The following CCDC178 variants were observed in gnomAD, a reference collection of about 807,000 sequenced individuals.
CCDC178 encodes coiled-coil domain containing 178.
CCDC178 carries 126 observed loss-of-function variants against 117.4 expected under a neutral mutation model. The observed-to-expected ratio is 1.07, with a 90% CI of 0.93 to 1.24. The LOEUF is 1.24. CCDC178 is among the 50% of genes most tolerant of loss of function. CCDC178 has a pLI of 0.00. For missense variants in CCDC178, 1,030 were observed against 986.9 expected, an observed-to-expected ratio of 1.04 and a Z score of -0.59; for synonymous variants, 283 against 313.4, an observed-to-expected ratio of 0.90 and a Z score of 1.02.
intron 22 of CCDC178, among the ~76,000 whole-genome samples, chr18:32,965,807 T>A (rs1371774017): frequency 6.6e-6 from 1 of 151,242 alleles, no homozygotes; most frequent in African/African-American, 2.4e-5. Context: ...ACAAATTATT[T>A]TATATTATTA....
intron 20 of CCDC178, among the ~76,000 whole-genome samples, chr18:33,151,524 C>T (rs1457306965): frequency 6.9e-6 from 1 of 145,298 alleles, no homozygotes; most frequent in East Asian, 2.0e-4. Context: ...GAAAAGAGTT[C>T]TAAAAATACA....
intron 6 of CCDC178, among the ~76,000 whole-genome samples, chr18:33,367,157 T>C (rs1401759235): frequency 1.3e-5 from 2 of 152,082 alleles, no homozygotes; most frequent in Non-Finnish European, 2.9e-5. Context: ...ATGGGGAATG[T>C]GTGATGTTTT....
chr18:33,330,406 C>T (rs567873482), intron 10 of CCDC178, among the ~76,000 whole-genome samples: 155 of 152,152 alleles, frequency 1.0e-3, no homozygotes, highest in African/African-American at 2.2e-3. Context: ...TTATGGCTCA[C>T]GCTACAGAAG....
intron 11 of CCDC178, among the ~76,000 whole-genome samples, chr18:33,320,626 A>G (rs943695334): frequency 6.6e-6 from 1 of 152,226 alleles, no homozygotes; most frequent in African/African-American, 2.4e-5. Context: ...ATGCTCATGG[A>G]TAGGAAGAAT....
intron 21 of CCDC178, among the ~76,000 whole-genome samples, chr18:32,982,215 T>G (rs2055168360): frequency 6.6e-6 from 1 of 152,144 alleles, no homozygotes; most frequent in East Asian, 1.9e-4. Flanking sequence ...GCTTTTGCAA[T>G]TTAAGAACCC....
intron 15 of CCDC178, among the ~76,000 whole-genome samples, chr18:33,236,010 C>T (rs1325908269): frequency 1.3e-5 from 2 of 152,160 alleles, no homozygotes; most frequent in Non-Finnish European, 2.9e-5. Flanking sequence ...GCTAGACATA[C>T]TTCTTGTTCA....
chr18:33,187,086 GGAGAGA>G (rs58400297), intron 20 of CCDC178, among the ~76,000 whole-genome samples: 58,061 of 139,934 alleles, frequency 0.41, 14,167 homozygotes, highest in Non-Finnish European at 0.55. Context: ...CATGGCGGCA[GGAGAGA>G]GAGAGAGAGA....
At chr18:33,416,784 GA>G (rs1361219953) in intron 2 of CCDC178, among the ~76,000 whole-genome samples, 1 of 152,132 alleles carries the variant, frequency 6.6e-6, no homozygotes, top group Non-Finnish European at 1.5e-5. Context: ...AGGTGTCAGT[GA>G]AAGCCACATA....
chr18:33,067,758 G>A (rs141832451), intron 21 of CCDC178, among the ~76,000 whole-genome samples: 1 of 152,184 alleles, frequency 6.6e-6, no homozygotes, highest in African/African-American at 2.4e-5. Flanking sequence ...CTTGAACCTG[G>A]GAGGCAGAGG....
intron 12 of CCDC178, among the ~76,000 whole-genome samples, chr18:33,278,806 C>T (rs1568110609): frequency 6.6e-6 from 1 of 152,040 alleles, no homozygotes; most frequent in Non-Finnish European, 1.5e-5. Flanking sequence ...TCAATATACG[C>T]AAATCAATAA....
Position 33,267,224 on chromosome 18 carries a change from G to T in CCDC178, c.1250C>A (p.Ala417Glu), listed in dbSNP as rs753939150. The T allele has an allele frequency of 6.3e-7, 1 of 1,599,980 alleles. No individual in the cohort carries two copies. Among genetic ancestry groups the T allele is most frequent in the East Asian group, 2.2e-5 (1 of 44,616 alleles). ...TACTGCAGCATAAAAATCATTAACTGCTTCCAGATACTGATTTTCATGACT... is the reference window on the plus strand; with the variant it reads ...TACTGCAGCATAAAAATCATTAACTTCTTCCAGATACTGATTTTCATGACT... The part of the protein sequence containing the change: ...QKSHENQYLE[A>E]VNDFYAAKKT... The change falls in exon 13 of 23, where the codon GCA (alanine) becomes GAA (glutamate). Residue 417 changes from alanine to glutamate, a missense_variant. By Grantham distance (107) the Ala-to-Glu change is moderately radical. Coordinates refer to ENST00000383096, the MANE Select transcript of CCDC178 (RefSeq NM_001105528.4).
intron 21 of CCDC178, among the ~76,000 whole-genome samples, chr18:32,980,051 T>G (rs2055115384): frequency 6.6e-6 from 1 of 152,148 alleles, no homozygotes; most frequent in South Asian, 2.1e-4. Context: ...TAAAGTAGAT[T>G]GAAATGAGGA....
At chr18:32,989,096 A>G (rs1208034095) in intron 21 of CCDC178, among the ~76,000 whole-genome samples, 2 of 152,186 alleles carry the variant, frequency 1.3e-5, no homozygotes, top group Admixed American at 1.3e-4. Context: ...AAGAGAGAAT[A>G]TTTCCCAAAT....
At chr18:33,340,862 ATC>A (rs1295841907) in intron 9 of CCDC178, among the ~76,000 whole-genome samples, 1 of 152,150 alleles carries the variant, frequency 6.6e-6, no homozygotes, top group Non-Finnish European at 1.5e-5. Context: ...CTCATAAAGA[ATC>A]TCTGCTAGGG....
chr18:33,409,446 G>A (rs1204344045), intron 3 of CCDC178, among the ~76,000 whole-genome samples: 1 of 152,124 alleles, frequency 6.6e-6, no homozygotes, highest in Non-Finnish European at 1.5e-5. Context: ...CATCATGAAC[G>A]AAAGAACATC....
At chr18:33,066,894 AC>A (rs2057026167) in intron 21 of CCDC178, among the ~76,000 whole-genome samples, 1 of 152,202 alleles carries the variant, frequency 6.6e-6, no homozygotes, top group South Asian at 2.1e-4. Context: ...AGACTCTAAT[AC>A]AGTAATATTT....
intron 14 of CCDC178, among the ~76,000 whole-genome samples, chr18:33,262,728 C>A (rs1443222286): frequency 1.3e-5 from 2 of 152,102 alleles, no homozygotes; most frequent in African/African-American, 4.8e-5. Context: ...ACTCTGTGAA[C>A]CTACCACCAT....
chr18:33,288,876 C>T (rs1464332365), intron 12 of CCDC178, among the ~76,000 whole-genome samples: 1 of 152,136 alleles, frequency 6.6e-6, no homozygotes, highest in Non-Finnish European at 1.5e-5. Flanking sequence ...AAATATGTGG[C>T]ACATTCTGTT....
intron 15 of CCDC178, among the ~76,000 whole-genome samples, chr18:33,242,941 C>G (rs1190849926): frequency 6.6e-6 from 1 of 151,800 alleles, no homozygotes. Flanking sequence ...GAAGAGACAT[C>G]TGTATCCCCA....
Sources: gnomAD v4.1 joint callset for allele counts (sites outside exome capture counted in the v4.1 genomes callset) on GRCh38, gnomAD v4.1.1 for gene constraint, MANE v1.5 for transcripts, NCBI Gene and HGNC (gene_info 2026-07-23, HGNC 2026-07-21) for gene names.